Variants in GOLM2 observed in about 807,000 individuals in gnomAD.
GOLM2 encodes the protein protein GOLM2.
Under a neutral mutation model 55.9 loss-of-function variants are expected in GOLM2, and 26 were observed. The ratio of observed to expected loss-of-function variants is 0.47; its 90% CI spans 0.34 to 0.65. The LOEUF is 0.65. Ranked by LOEUF, GOLM2 falls within the 30% of genes least tolerant of loss-of-function variation. The probability of loss-of-function intolerance (pLI) is 0.01; values close to 1 mark genes in which losing one functional copy is unlikely to be tolerated. For synonymous variants in GOLM2, 165 were observed against 194.6 expected (o/e 0.85, Z 1.27); for missense variants, 486 against 531.8 (o/e 0.91, Z 0.85).
At chr15:44,397,478 CAAAAAAAA>C (rs1007948393) in intron 8 of GOLM2, among the ~76,000 whole-genome samples, 2 of 32,564 alleles carry the variant, frequency 6.1e-5, no homozygotes, top group Non-Finnish European at 1.1e-4. Flanking sequence ...GACTCCGTCT[CAAAAAAAA>C]AAAAAAAAAA....
At chr15:44,332,531 G>A (rs867279464) in intron 4 of GOLM2, among the ~76,000 whole-genome samples, 4 of 151,012 alleles carry the variant, frequency 2.6e-5, no homozygotes, top group African/African-American at 4.9e-5. Context: ...CTGCACTCCA[G>A]TCTGGGCAAC....
intron 6 of GOLM2, among the ~76,000 whole-genome samples, chr15:44,374,773 T>C (rs999118667): frequency 4.6e-5 from 7 of 152,068 alleles, no homozygotes; most frequent in African/African-American, 1.7e-4. Context: ...GCTAAACCAT[T>C]AGAAACCACC....
intron 1 of GOLM2, among the ~76,000 whole-genome samples, chr15:44,304,518 A>T (rs937026184): frequency 6.6e-6 from 1 of 152,086 alleles, no homozygotes; most frequent in African/African-American, 2.4e-5. Context: ...CTGGGACTAC[A>T]GGCATAAGCC....
At position 44,413,371 on chromosome 15, in the gene GOLM2, G is replaced by A; in HGVS notation, c.1276G>A (p.Asp426Asn). The A allele has an allele frequency of 1.2e-6, 2 of 1,611,332 alleles. No homozygotes were observed. Among genetic ancestry groups the A allele is most frequent in the Non-Finnish European group, 1.7e-6 (2 of 1,179,396 alleles). The change falls in exon 10 of 10, where the codon GAC becomes AAC. Residue 426 changes from aspartate (D) to asparagine (N), a missense_variant. Physicochemically the swap from Asp to Asn is conservative, Grantham distance 23. Coordinates refer to ENST00000299957, the MANE Select transcript of GOLM2 (RefSeq NM_138423.4). ...ACGAGAGCTTCAAATGGATCCTGCA[G>A]ACTATGGAAAGCAACATTTCAATGA... ...EERELQMDPA[D>N]YGKQHFNDVL
intron 4 of GOLM2, among the ~76,000 whole-genome samples, chr15:44,333,115 G>A (rs992936213): frequency 9.9e-5 from 15 of 152,080 alleles, no homozygotes; most frequent in African/African-American, 3.1e-4. Flanking sequence ...TGTATTTTTA[G>A]TAGAGACAGG....
Position 44,292,679 on chromosome 15 carries a change from A to G in GOLM2, c.327+3323A>G, listed in dbSNP as rs192267969. On this transcript the variant is annotated intron_variant, in intron 1 of 9. Transcript: ENST00000299957. Reference sequence around the variant, plus strand: ...GCCACTTCTGTATTTTGAGCTGGCTATAACAACTTTCTTGGGCTGCTTGTG... The same window carrying G: ...GCCACTTCTGTATTTTGAGCTGGCTGTAACAACTTTCTTGGGCTGCTTGTG... Among the ~76,000 whole-genome samples the G allele has an allele frequency of 1.5e-4, 23 of 152,254 alleles. 1 individual carries two copies. In the East Asian group the frequency reaches 3.7e-3, roughly 24 times the overall value.
chr15:44,310,458 A>C (rs62024124), intron 1 of GOLM2, among the ~76,000 whole-genome samples: 16,410 of 134,038 alleles, frequency 0.12, 1,121 homozygotes, highest in African/African-American at 0.17. Flanking sequence ...CTCTCTCTAT[A>C]TATATATATA....
At chr15:44,378,666 A>T (rs1369452454) in intron 6 of GOLM2, among the ~76,000 whole-genome samples, 1 of 152,160 alleles carries the variant, frequency 6.6e-6, no homozygotes, top group Non-Finnish European at 1.5e-5. Flanking sequence ...TTAATACCTT[A>T]CCTAACTTGT....
rs908100934 is a variant in GOLM2 at position 44,402,817 on chromosome 15, C to T, written c.1073-70C>T. 7.4e-6 allele frequency: 11 copies of T among 1,495,884 alleles called. No homozygotes were observed. The Admixed American group carries it at 9.3e-5, about 13-fold the overall frequency. The allele number at this position is 1,495,884 out of a possible 1,614,324, so 92.7% of individuals were successfully genotyped here. On this transcript the variant is annotated intron_variant, in intron 8 of 9. Coordinates refer to ENST00000299957, the MANE Select transcript of GOLM2 (RefSeq NM_138423.4). ...AGCTTTCACTTGTTTACTTTCTGGTCTGCCTTCCGTATAGATTCCTTCTTT... is the reference window on the plus strand; with the variant it reads ...AGCTTTCACTTGTTTACTTTCTGGTTTGCCTTCCGTATAGATTCCTTCTTT...
At position 44,403,017 on chromosome 15, in the gene GOLM2, GGAA is replaced by G. The variant is rs1423571461; in HGVS notation, c.1209_1211del (p.Glu403del). 4 of 1,613,970 alleles carry G rather than the reference GGAA, an allele frequency of 2.5e-6. No homozygotes were observed. The highest frequency in any genetic ancestry group is 2.2e-5 in the East Asian group (1 of 44,876). On this transcript the variant is annotated inframe_deletion, in exon 9 of 10. Coordinates refer to ENST00000299957, the MANE Select transcript of GOLM2 (RefSeq NM_138423.4). ...AGCAGGCTGAGCTGGCTTACAATGA[GGAA>G]GAAGATGGTGATGGTGGAGAGGAAG...
chr15:44,377,933 G>A (rs573188869), intron 6 of GOLM2, among the ~76,000 whole-genome samples: 1 of 151,106 alleles, frequency 6.6e-6, no homozygotes, highest in African/African-American at 2.4e-5. Flanking sequence ...TCTTTAAGTT[G>A]TAGTACTACA....
At chr15:44,348,020 C>G (rs1439655364) in intron 6 of GOLM2, among the ~76,000 whole-genome samples, 2 of 152,160 alleles carry the variant, frequency 1.3e-5, no homozygotes. Context: ...CACCTGCTAA[C>G]TAAAGAGCCC....
rs1383296027 is a variant in GOLM2 at position 44,379,850 on chromosome 15, T to C, written c.901+62T>C. On this transcript the variant is annotated intron_variant, in intron 7 of 9. Transcript: ENST00000299957. The stretch of plus-strand genomic sequence containing the variant: ...AACTTACTAGTCATGTACAGTTATA[T>C]AGTGTATAAAATATATCACTTAGCA... 7.5e-6 allele frequency: 7 copies of C among 935,278 alleles called. No individual in the cohort carries two copies. The African/African-American group carries it at 8.2e-5, about 11-fold the overall frequency. The allele number at this position is 935,278 out of a possible 1,614,324, so 57.9% of individuals were successfully genotyped here.
chr15:44,384,655 G>A (rs1269684707), intron 8 of GOLM2, among the ~76,000 whole-genome samples: 1 of 152,126 alleles, frequency 6.6e-6, no homozygotes, highest in Non-Finnish European at 1.5e-5. Flanking sequence ...GCTGAGGCAG[G>A]AGAATGGTGT....
intron 4 of GOLM2, among the ~76,000 whole-genome samples, chr15:44,336,039 T>G (rs1193383149): frequency 6.6e-6 from 1 of 152,016 alleles, no homozygotes; most frequent in Non-Finnish European, 1.5e-5. Context: ...GATTTTGAAC[T>G]CCTGACTTCA....
intron 6 of GOLM2, among the ~76,000 whole-genome samples, chr15:44,372,477 GAGA>G (rs1482106861): frequency 6.6e-6 from 1 of 152,236 alleles, no homozygotes; most frequent in African/African-American, 2.4e-5. Flanking sequence ...AAGCCTAAAA[GAGA>G]AGTAGAGGAC....
intron 4 of GOLM2, among the ~76,000 whole-genome samples, chr15:44,332,371 A>G (rs1218286399): frequency 6.6e-6 from 1 of 152,192 alleles, no homozygotes; most frequent in African/African-American, 2.4e-5. Context: ...ACCCTGGCCA[A>G]CATGGGGAAA....
intron 6 of GOLM2, among the ~76,000 whole-genome samples, chr15:44,363,715 A>T (rs1250812343): frequency 6.6e-6 from 1 of 151,866 alleles, no homozygotes; most frequent in East Asian, 1.9e-4. Flanking sequence ...AGGACTATAA[A>T]TCATGCTGCT....
At chr15:44,328,198 G>A (rs1050637261) in intron 2 of GOLM2, among the ~76,000 whole-genome samples, 9 of 152,160 alleles carry the variant, frequency 5.9e-5, no homozygotes, top group East Asian at 1.9e-4. Flanking sequence ...AAATGTTGCC[G>A]GTCAGGCATG....
Sources: gnomAD v4.1 joint callset for allele counts (sites outside exome capture counted in the v4.1 genomes callset) on GRCh38, gnomAD v4.1.1 for gene constraint, MANE v1.5 for transcripts, NCBI Gene and HGNC (gene_info 2026-07-23, HGNC 2026-07-21) for gene names.